CHD3: variants seen among roughly 807,000 people sequenced by gnomAD.
CHD3 encodes the protein chromodomain helicase DNA binding protein 3.
CHD3 carries 52 observed loss-of-function variants against 248.9 expected under a neutral mutation model. That is an observed-to-expected ratio of 0.21 (90% CI 0.17 to 0.26). CHD3 has a LOEUF of 0.26. Ranked by LOEUF, CHD3 falls within the 10% of genes least tolerant of loss-of-function variation. The pLI, the probability that CHD3 is intolerant of heterozygous loss-of-function variation, is 1.00. For synonymous variants in CHD3, 985 were observed against 985.2 expected, an observed-to-expected ratio of 1.00 and a Z score of 0.00; for missense variants, 1,482 against 2,605.8, an observed-to-expected ratio of 0.57 and a Z score of 9.39.
In CHD3 at chr17:7,895,209, C is replaced by T. The variant is rs1969473965; in HGVS notation, c.1503+59C>T. Reference sequence around the variant, plus strand: ...TCAGGCCTGATCCCTTCCCCCATCCCTGGGGCCCACATGTCCAGCTTTTCA... The same window carrying T: ...TCAGGCCTGATCCCTTCCCCCATCCTTGGGGCCCACATGTCCAGCTTTTCA... On this transcript the variant is annotated intron_variant, in intron 9 of 39. Transcript: ENST00000330494. This position sits in a 1 kb window ranked among gnomAD's most constrained non-coding sequence, Gnocchi z 4.9. The T allele has an allele frequency of 6.3e-7, 1 of 1,589,130 alleles. No homozygotes were observed. Among genetic ancestry groups the T allele is most frequent in the East Asian group, 2.2e-5 (1 of 44,596 alleles).
intron 19 of CHD3, 109 bp downstream of exon 19, chr17:7,901,102 G>A (rs1030821634): frequency 7.3e-6 from 11 of 1,514,834 alleles, no homozygotes; most frequent in Non-Finnish European, 8.9e-6. Flanking sequence ...GGGCTGGAAG[G>A]CCACGGACTG....
chr17:7,908,841 G>T lies in CHD3; in HGVS notation c.5394+12G>T. 1.2e-6 allele frequency: 2 copies of T among 1,614,094 alleles called. No individual in the cohort carries two copies. The highest frequency in any genetic ancestry group is 1.7e-6 in the Non-Finnish European group (2 of 1,179,972). ...CCCGGAGGTTCAAGGTGGGAATGAG[G>T]GAGGAAAGGAGCGGGTTATAGACGG... On this transcript the variant is annotated intron_variant, in intron 36 of 39. Transcript: ENST00000330494. The surrounding 1 kb of genome is among the most constrained non-coding windows in gnomAD (Gnocchi z 5.8).
chr17:7,898,320 T>C (rs1464680451), intron 12 of CHD3, among the ~76,000 whole-genome samples, 176 bp from the exon 13 acceptor site: 6 of 151,346 alleles, frequency 4.0e-5, no homozygotes, highest in Admixed American at 3.9e-4. Context: ...TGTTCAAGAG[T>C]GGGGAGGGCT....
chr17:7,888,110 G>A (rs1968249195), upstream of CHD3, among the ~76,000 whole-genome samples: 1 of 152,228 alleles, frequency 6.6e-6, no homozygotes, highest in African/African-American at 2.4e-5. Flanking sequence ...GGGGGAGCCG[G>A]CTGCTGGGGC....
Position 7,907,419 on chromosome 17 carries a change from G to T in CHD3, c.4855G>T (p.Asp1619Tyr). The T allele has an allele frequency of 6.2e-7, 1 of 1,611,700 alleles. No individual in the cohort carries two copies. Among genetic ancestry groups the T allele is most frequent in the Non-Finnish European group, 8.5e-7 (1 of 1,178,876 alleles). Residue 1619 changes from aspartate to tyrosine, a missense_variant, in exon 32 of 40, where the codon GAT (aspartate) becomes TAT (tyrosine). Physicochemically the swap from Asp to Tyr is radical, Grantham distance 160 (BLOSUM62 -3). Transcript: ENST00000330494. The surrounding 1 kb of genome is among the most constrained non-coding windows in gnomAD (Gnocchi z 4.3). Reference protein sequence around the residue: ...RLEPRKIPLEDEVPGVPGEME... With the variant: ...RLEPRKIPLEYEVPGVPGEME... ...GGAGCCAAGGAAGATTCCTCTAGAG[G>T]ATGAGGTGCCAGGGGTGCCTGGAGA...
Position 7,897,060 on chromosome 17 carries a change from C to T in CHD3, c.1708-23C>T. The T allele has an allele frequency of 6.2e-7, 1 of 1,604,902 alleles. No individual in the cohort carries two copies. The highest frequency in any genetic ancestry group is 8.5e-7 in the Non-Finnish European group (1 of 1,171,650). ...CTGTGAGTGTCAGGACTATCTCTTTCCCTTTTTTCTGTGCCCTGCTAGCTG... is the reference window on the plus strand; with the variant it reads ...CTGTGAGTGTCAGGACTATCTCTTTTCCTTTTTTCTGTGCCCTGCTAGCTG... On this transcript the variant is annotated intron_variant, in intron 10 of 39. Transcript: ENST00000330494. This position sits in a 1 kb window ranked among gnomAD's most constrained non-coding sequence, Gnocchi z 4.8.
At position 7,906,326 on chromosome 17, in the gene CHD3, A is replaced by G. The variant is rs528724409; in HGVS notation, c.4359-227A>G. On this transcript the variant is annotated intron_variant, in intron 28 of 39. Coordinates refer to ENST00000330494, the MANE Select transcript of CHD3 (RefSeq NM_001005273.3). This position sits in a 1 kb window ranked among gnomAD's most constrained non-coding sequence, Gnocchi z 5.0. Reference sequence around the variant, plus strand: ...GATGAAGAGCTGACTGATGGGGCCCAGGAATTAAGTACCAAGGCCAAAGGG... The same window carrying G: ...GATGAAGAGCTGACTGATGGGGCCCGGGAATTAAGTACCAAGGCCAAAGGG... 10 of 675,008 alleles carry G rather than the reference A, an allele frequency of 1.5e-5. No homozygotes were observed. Among genetic ancestry groups the G allele is most frequent in the African/African-American group, 1.2e-4 (7 of 56,156 alleles). 41.8% of individuals were successfully genotyped at this position (675,008 alleles called of 1,614,324 possible). A position where few individuals can be genotyped will look rare whatever the true frequency, so the allele number is the denominator to read the frequency against.
At chr17:7,892,939 TA>T (rs1288893986) in intron 4 of CHD3, among the ~76,000 whole-genome samples, 5 of 151,886 alleles carry the variant, frequency 3.3e-5, no homozygotes, top group African/African-American at 4.8e-5. Context: ...CCCAGCTAAT[TA>T]TTTTTTTTTA....
chr17:7,904,701 A>G lies in CHD3; in HGVS notation c.4072+82A>G. 7.7e-7 allele frequency: 1 copy of G among 1,299,512 alleles called. No individual in the cohort carries two copies. Among genetic ancestry groups the G allele is most frequent in the Non-Finnish European group, 1.1e-6 (1 of 939,190 alleles). 80.5% of individuals were successfully genotyped at this position (1,299,512 alleles called of 1,614,324 possible). On this transcript the variant is annotated intron_variant, in intron 25 of 39. Transcript: ENST00000330494. This position sits in a 1 kb window ranked among gnomAD's most constrained non-coding sequence, Gnocchi z 4.4. ...TTGAAGGCTGGAGCTATTTAGAGGG[A>G]AAGAGAGAAGCCTAGAAGTCAGAGC...
At position 7,908,048 on chromosome 17, in the gene CHD3, C is replaced by G. The variant is rs1297328374; in HGVS notation, c.5152+29C>G. 1 of 1,573,014 alleles carries G rather than the reference C, an allele frequency of 6.4e-7. No homozygotes were observed. Among genetic ancestry groups the G allele is most frequent in the African/African-American group, 1.4e-5 (1 of 73,712 alleles). ...GGGGAGACTCTCGCTGCTTTCTGCT[C>G]CTCAAGGGGATCTGCTCATCCTCAT... On this transcript the variant is annotated intron_variant, in intron 34 of 39. Coordinates refer to ENST00000330494, the MANE Select transcript of CHD3 (RefSeq NM_001005273.3). This position sits in a 1 kb window ranked among gnomAD's most constrained non-coding sequence, Gnocchi z 5.8.
In CHD3 at chr17:7,900,323, C is replaced by T. The variant is rs1970163248; in HGVS notation, c.2716C>T (p.His906Tyr). 1.2e-6 allele frequency: 2 copies of T among 1,614,122 alleles called. No individual in the cohort carries two copies. The highest frequency in any genetic ancestry group is 8.5e-7 in the Non-Finnish European group (1 of 1,180,020). ...FRVLNGYKID[H>Y]KLLLTGTPLQ... ...GGTTCTCAATGGTTACAAGATAGAT[C>T]ATAAGTTGCTGCTGACAGGAACCCC... The change falls in exon 17 of 40, where the codon CAT becomes TAT. Residue 906 changes from histidine to tyrosine, a missense_variant. His to Tyr is a moderately conservative substitution (Grantham distance 83). Around this residue, in one of 20 missense-constraint regions of CHD3, gnomAD observed 36 missense variants for 189.3 expected, o/e 0.19. Coordinates refer to ENST00000330494, the MANE Select transcript of CHD3 (RefSeq NM_001005273.3). The surrounding 1 kb of genome is among the most constrained non-coding windows in gnomAD (Gnocchi z 6.5).
rs1971315752 is a variant in CHD3 at position 7,908,976 on chromosome 17, AGT to A, written c.5394+151_5394+152del. 2.8e-6 allele frequency: 4 copies of A among 1,412,296 alleles called. No individual in the cohort carries two copies. The South Asian group carries it at 5.2e-5, about 18-fold the overall frequency. The allele number at this position is 1,412,296 out of a possible 1,614,324, so 87.5% of individuals were successfully genotyped here. ...ACCAAAGTGTAACCTTGTGCTTGGG[AGT>A]GTGATCTGGGTCAGGGTTGCTGCTA... On this transcript the variant is annotated intron_variant, in intron 36 of 39. Coordinates refer to ENST00000330494, the MANE Select transcript of CHD3 (RefSeq NM_001005273.3). The surrounding 1 kb of genome is among the most constrained non-coding windows in gnomAD (Gnocchi z 5.8).
At position 7,900,398 on chromosome 17, in the gene CHD3, C is replaced by T. The variant is rs770837931; in HGVS notation, c.2791C>T (p.Pro931Ser). 6.2e-7 allele frequency: 1 copy of T among 1,613,870 alleles called. No homozygotes were observed. Among genetic ancestry groups the T allele is most frequent in the Non-Finnish European group, 8.5e-7 (1 of 1,180,026 alleles). Residue 931 changes from proline (P) to serine (S), a missense_variant, in exon 17 of 40, where the codon CCA becomes TCA. Physicochemically the swap from Pro to Ser is moderately conservative, Grantham distance 74. This residue lies in a region of CHD3 where 36 missense variants were observed against 189.3 expected (regional missense o/e 0.19). Transcript: ENST00000330494. The surrounding 1 kb of genome is among the most constrained non-coding windows in gnomAD (Gnocchi z 6.5). ...CTTCCATCTCCTGAACTTCCTCACC[C>T]CAGAGAGATTTAAGTAAGTGGTTCC... ...ELFHLLNFLT[P>S]ERFNNLEGFL...
At chr17:7,894,864 T>C in intron 8 of CHD3, 53 bp from the exon 9 acceptor site, 1 of 1,598,872 alleles carries the variant, frequency 6.3e-7, no homozygotes, top group Non-Finnish European at 8.5e-7. Flanking sequence ...TATCTTCCAG[T>C]TTCATTCCTT....
At chr17:7,885,045 C>CGCCACCGCT, upstream of CHD3, 7 of 1,083,412 alleles carry the variant, frequency 6.5e-6, no homozygotes, top group Non-Finnish European at 7.8e-6. Flanking sequence ...CCGCCGCCGC[C>CGCCACCGCT]GCCACCGCTG....
At position 7,893,780 on chromosome 17, in the gene CHD3, C is replaced by T. The variant is rs1356293336; in HGVS notation, c.794-25C>T. Reference sequence around the variant, plus strand: ...GATGTCATGACCTCTCCTTTTTCCTCTTCTCACCCCGACTCCTCATTCAGG... The same window carrying T: ...GATGTCATGACCTCTCCTTTTTCCTTTTCTCACCCCGACTCCTCATTCAGG... On this transcript the variant is annotated intron_variant, in intron 5 of 39. Transcript: ENST00000330494. 2.5e-6 allele frequency: 4 copies of T among 1,608,456 alleles called. No homozygotes were observed. In the South Asian group the frequency reaches 4.4e-5, roughly 18 times the overall value.
rs113832543 is a variant in CHD3, at chr17:7,903,781, A to G, written c.3728-44A>G. The G allele has an allele frequency of 8.1e-5, 130 of 1,602,018 alleles. No homozygotes were observed. In the African/African-American group the frequency reaches 1.4e-3, roughly 18 times the overall value. On this transcript the variant is annotated intron_variant, in intron 23 of 39. Coordinates refer to ENST00000330494, the MANE Select transcript of CHD3 (RefSeq NM_001005273.3). The surrounding 1 kb of genome is among the most constrained non-coding windows in gnomAD (Gnocchi z 6.8). Reference sequence around the variant, plus strand: ...TAGAAGCTTTCCCATCAGCCTTTCTAAACTTTGGAACCCAAAGTTCCCGTT... The same window carrying G: ...TAGAAGCTTTCCCATCAGCCTTTCTGAACTTTGGAACCCAAAGTTCCCGTT...
Position 7,908,569 on chromosome 17 carries a change from AAGAT to A in CHD3, c.5261+60_5261+63del. 1.9e-6 allele frequency: 3 copies of A among 1,586,450 alleles called. No individual in the cohort carries two copies. Among genetic ancestry groups the A allele is most frequent in the African/African-American group, 1.4e-5 (1 of 73,974 alleles). On this transcript the variant is annotated intron_variant, in intron 35 of 39. Transcript: ENST00000330494. This position sits in a 1 kb window ranked among gnomAD's most constrained non-coding sequence, Gnocchi z 5.8. ...TTCTCTCAAGCTGGCAAAAAAAAAA[AAGAT>A]GATTTCACACCCAGGGACAGGGCTA...
In CHD3 at chr17:7,903,723, C is replaced by T. The variant is rs1283691570; in HGVS notation, c.3728-102C>T. The T allele has an allele frequency of 1.6e-5, 21 of 1,323,814 alleles. No homozygotes were observed. The East Asian group carries it at 4.6e-4, about 29-fold the overall frequency. The allele number at this position is 1,323,814 out of a possible 1,614,324, so 82.0% of individuals were successfully genotyped here. A position where few individuals can be genotyped will look rare whatever the true frequency, so the allele number is the denominator to read the frequency against. Reference sequence around the variant, plus strand: ...CAACATTGGCTCCCGGGGAAAAAGCCTTCTCTAGGGCTCCTGTGAAAAGGA... The same window carrying T: ...CAACATTGGCTCCCGGGGAAAAAGCTTTCTCTAGGGCTCCTGTGAAAAGGA... On this transcript the variant is annotated intron_variant, in intron 23 of 39. Transcript: ENST00000330494. This position sits in a 1 kb window ranked among gnomAD's most constrained non-coding sequence, Gnocchi z 6.8.
Sources: allele counts gnomAD v4.1 joint callset (sites outside exome capture counted in the v4.1 genomes callset), GRCh38; gene constraint gnomAD v4.1.1; regional missense constraint gnomAD v4.1.1; non-coding constraint Gnocchi (gnomAD v3.1); transcripts MANE v1.5; gene names NCBI Gene and HGNC (gene_info 2026-07-23, HGNC 2026-07-21).